TRRAP: variants seen among roughly 807,000 people sequenced by gnomAD.
The protein encoded by TRRAP is transformation/transcription domain associated protein.
A neutral mutation model predicts 438.8 loss-of-function variants in TRRAP; 41 were observed. That is an observed-to-expected ratio of 0.09 (90% CI 0.07 to 0.12). The LOEUF is 0.12. TRRAP is among the 10% of genes least tolerant of loss of function. TRRAP has a pLI of 1.00. For missense variants in TRRAP, 3,122 were observed against 5,055.1 expected (o/e 0.62, Z 11.60); for synonymous variants, 1,994 against 1,962.9 (o/e 1.02, Z -0.42).
chr7:99,008,070 C>T (rs1216603253), intron 69 of TRRAP, among the ~76,000 whole-genome samples: 1 of 152,132 alleles, frequency 6.6e-6, no homozygotes, highest in Non-Finnish European at 1.5e-5. Flanking sequence ...GTGATCCGCC[C>T]ACTGTGGCCT....
Position 98,906,089 on chromosome 7 carries a change from G to A in TRRAP, c.1037-88G>A, listed in dbSNP as rs1338352473. On this transcript the variant is annotated intron_variant, in intron 12 of 72. Coordinates refer to ENST00000456197, the MANE Select transcript of TRRAP (RefSeq NM_001375524.1). ...GTCTGGATTGCATATCAGACTGGCG[G>A]GCTGGCTACTTCGAAAGCACTGTAA... 4 of 1,187,532 alleles carry A rather than the reference G, an allele frequency of 3.4e-6. No individual in the cohort carries two copies. The African/African-American group carries it at 6.1e-5, about 18-fold the overall frequency. The allele number at this position is 1,187,532 out of a possible 1,614,324, so 73.6% of individuals were successfully genotyped here.
chr7:99,001,716 C>T (rs957390014), intron 67 of TRRAP, among the ~76,000 whole-genome samples: 1 of 152,094 alleles, frequency 6.6e-6, no homozygotes, highest in African/African-American at 2.4e-5. Flanking sequence ...GGAATGCAGT[C>T]CGATTCTCTA....
chr7:98,946,564 C>CA (rs1299606063), intron 33 of TRRAP, among the ~76,000 whole-genome samples: 15 of 151,556 alleles, frequency 9.9e-5, no homozygotes, highest in South Asian at 8.4e-4. Flanking sequence ...CACATGCACA[C>CA]ACACCACACG....
chr7:98,972,048 T>C, intron 53 of TRRAP, 103 bp downstream of exon 53: 1 of 1,435,372 alleles, frequency 7.0e-7, no homozygotes, highest in Non-Finnish European at 9.2e-7. Context: ...CTGTTTCTTT[T>C]CTTTTTCTTT....
chr7:98,978,296 A>G lies in TRRAP; in HGVS notation c.8471A>G (p.Tyr2824Cys). The change falls in exon 57 of 73, where the codon TAC (tyrosine) becomes TGC (cysteine). Residue 2824 changes from tyrosine to cysteine, a missense_variant. Physicochemically the swap from Tyr to Cys is radical, Grantham distance 194. Transcript: ENST00000456197. ...GCCTCCCCTGCTATTTTCCCTGAAT[A>G]CCAGCTCTGGGAAGACCACTGGATT... ...SNASPAIFPE[Y>C]QLWEDHWIRC... is the part of the protein sequence containing the mutation. 6.2e-7 allele frequency: 1 copy of G among 1,614,180 alleles called. No homozygotes were observed. The highest frequency in any genetic ancestry group is 1.1e-5 in the South Asian group (1 of 91,078).
At chr7:98,958,516 T>C (rs1391111924) in intron 44 of TRRAP, among the ~76,000 whole-genome samples, 1 of 152,188 alleles carries the variant, frequency 6.6e-6, no homozygotes, top group Non-Finnish European at 1.5e-5. Flanking sequence ...GCCAGGCTGG[T>C]CTCGAGCTCC....
intron 3 of TRRAP, among the ~76,000 whole-genome samples, chr7:98,888,059 T>C (rs1418606239): frequency 7.9e-5 from 12 of 151,778 alleles, no homozygotes; most frequent in African/African-American, 2.7e-4. Flanking sequence ...TGAAACCCCG[T>C]CTCTACCAAA....
chr7:98,954,617 A>G (rs1554419042), intron 40 of TRRAP, among the ~76,000 whole-genome samples: 1 of 152,014 alleles, frequency 6.6e-6, no homozygotes, highest in Admixed American at 6.6e-5. Flanking sequence ...TGCAGCTTCT[A>G]ACACCCACCC....
intron 65 of TRRAP, 135 bp from the exon 66 acceptor site, chr7:98,993,403 T>G (rs978239453): frequency 1.1e-6 from 1 of 947,198 alleles, no homozygotes; most frequent in Non-Finnish European, 1.6e-6. Context: ...CACGCAGTCC[T>G]TGGGGAAGCG....
intron 67 of TRRAP, among the ~76,000 whole-genome samples, chr7:98,997,648 T>C (rs1793732836): frequency 2.0e-5 from 3 of 151,598 alleles, no homozygotes; most frequent in Admixed American, 1.3e-4. Context: ...CTTGGAAATA[T>C]ATTAGGCTTT....
chr7:98,938,558 A>AATAT (rs35732369), intron 30 of TRRAP, among the ~76,000 whole-genome samples: 19 of 151,458 alleles, frequency 1.3e-4, no homozygotes, highest in South Asian at 1.0e-3. Context: ...AAGGGGGTAC[A>AATAT]ATATATATAT....
At position 98,961,523 on chromosome 7, in the gene TRRAP, C is replaced by T. The variant is rs371585690; in HGVS notation, c.6703+49C>T. On this transcript the variant is annotated intron_variant, in intron 46 of 72. Transcript: ENST00000456197. Reference sequence around the variant, plus strand: ...CTTTTCTTTCAAAGTGGACGGTGGGCGCGGAGCTTGCTATGAGAGCGCTTG... The same window carrying T: ...CTTTTCTTTCAAAGTGGACGGTGGGTGCGGAGCTTGCTATGAGAGCGCTTG... 344 of 1,595,788 alleles carry T rather than the reference C, an allele frequency of 2.2e-4. No individual in the cohort carries two copies. In the East Asian group the frequency reaches 3.0e-3, roughly 14 times the overall value.
chr7:98,899,804 G>T, intron 10 of TRRAP, 37 bp downstream of exon 10: 1 of 1,599,210 alleles, frequency 6.3e-7, no homozygotes, highest in Admixed American at 1.7e-5. Flanking sequence ...ACAGTGCCTG[G>T]ATTCCAAGTA....
chr7:98,960,263 T>G (rs1027626947), intron 45 of TRRAP, among the ~76,000 whole-genome samples: 1 of 152,218 alleles, frequency 6.6e-6, no homozygotes, highest in African/African-American at 2.4e-5. Flanking sequence ...GGCTGTTTTT[T>G]TGCTTATAAA....
chr7:98,955,027 C>G (rs1554419222), intron 40 of TRRAP, 71 bp from the exon 41 acceptor site: 1 of 1,493,868 alleles, frequency 6.7e-7, no homozygotes, highest in African/African-American at 1.4e-5. Context: ...TGTCTTGACA[C>G]CAAGGGATTG....
At chr7:98,918,156 C>T (rs1437403165) in intron 20 of TRRAP, among the ~76,000 whole-genome samples, 1 of 148,896 alleles carries the variant, frequency 6.7e-6, no homozygotes, top group Non-Finnish European at 1.5e-5. Context: ...TAAAGAAATA[C>T]TGTTGGTACT....
In TRRAP at chr7:98,945,797, T is replaced by C; in HGVS notation, c.4524T>C (p.Phe1508=). The change falls in exon 32 of 73, where the codon TTT becomes TTC. Residue 1508 remains phenylalanine (F), a synonymous_variant. Transcript: ENST00000456197. ...GRCPLSPFCQ[F]EPAMEGVEEM... is the part of the protein sequence containing the mutation. ...GTCCCTTGTCTCCATTCTGTCAGTT[T>C]GAGGTGAGAACAACCTATTAACAGT... is the stretch of plus-strand genomic sequence containing the variant. The C allele has an allele frequency of 6.3e-7, 1 of 1,598,274 alleles. No homozygotes were observed. The highest frequency in any genetic ancestry group is 8.5e-7 in the Non-Finnish European group (1 of 1,179,696).
At chr7:98,881,757 G>A in intron 2 of TRRAP, 1 of 504,916 alleles carries the variant, frequency 2.0e-6, no homozygotes, top group Middle Eastern at 2.9e-4. Context: ...GTGTTTGTGT[G>A]TGTGTGTATA....
chr7:98,985,954 C>G lies in TRRAP; in HGVS notation c.9389+910C>G, dbSNP rs183860390. On this transcript the variant is annotated intron_variant, in intron 62 of 72. Transcript: ENST00000456197. ...GTTAGTAGTCACTCTCCTTTCTCCC[C>G]TCCCCCTTTCTCTTGACAACTACTA... Among the ~76,000 whole-genome samples the G allele has an allele frequency of 2.6e-5, 4 of 152,306 alleles. No individual in the cohort carries two copies. In the East Asian group the frequency reaches 7.7e-4, roughly 29 times the overall value.
Sources: allele counts gnomAD v4.1 joint callset (sites outside exome capture counted in the v4.1 genomes callset), GRCh38; gene constraint gnomAD v4.1.1; transcripts MANE v1.5; gene names NCBI Gene and HGNC (gene_info 2026-07-23, HGNC 2026-07-21).